The following NADSYN1 variants were observed in gnomAD, a reference collection of about 807,000 sequenced individuals.
NADSYN1 encodes the protein glutamine-dependent NAD(+) synthetase.
A neutral mutation model predicts 99.3 loss-of-function variants in NADSYN1; 80 were observed. The observed-to-expected ratio is 0.81, with a 90% CI of 0.67 to 0.97. The LOEUF is 0.97. Ranked by LOEUF, NADSYN1 falls within the 50% of genes least tolerant of loss-of-function variation. NADSYN1 has a pLI of 0.00. For missense variants in NADSYN1, 859 were observed against 948.5 expected, an observed-to-expected ratio of 0.91 and a Z score of 1.24; for synonymous variants, 385 against 372.1, an observed-to-expected ratio of 1.03 and a Z score of -0.40.
In NADSYN1 at chr11:71,501,727, G is replaced by A. The variant is rs1949858848; in HGVS notation, c.*375G>A. The A allele has an allele frequency of 4.0e-6, 1 of 248,996 alleles. No individual in the cohort carries two copies. Among genetic ancestry groups the A allele is most frequent in the African/African-American group, 2.3e-5 (1 of 42,888 alleles). The allele number at this position is 248,996 out of a possible 1,614,324, so 15.4% of individuals were successfully genotyped here. A position where few individuals can be genotyped will look rare whatever the true frequency, so the allele number is the denominator to read the frequency against. ...GGGGTGTCATGAGCAGAAAATGAAG[G>A]AGAGAAGACCTTCTCTCCCACCCAC... On this transcript the variant is annotated 3_prime_UTR_variant, in exon 21 of 21. Coordinates refer to ENST00000319023, the MANE Select transcript of NADSYN1 (RefSeq NM_018161.5).
Position 71,473,283 on chromosome 11 carries a change from C to A in NADSYN1, c.465C>A (p.Thr155=). The part of the protein sequence containing the change: ...RMIQDLTKQE[T]VPFGDAVLVT... The stretch of plus-strand genomic sequence containing the variant: ...CTCTTCTCTTCCGACTGCAGGAAAC[C>A]GTACCCTTCGGAGATGCGGTGCTGG... Residue 155 remains threonine (T), a synonymous_variant, in exon 7 of 21, where the codon ACC becomes ACA. Coordinates refer to ENST00000319023, the MANE Select transcript of NADSYN1 (RefSeq NM_018161.5). 1.9e-6 allele frequency: 3 copies of A among 1,614,142 alleles called. No individual in the cohort carries two copies. The highest frequency in any genetic ancestry group is 2.5e-6 in the Non-Finnish European group (3 of 1,179,996).
chr11:71,473,491 G>A (rs1448033925), intron 7 of NADSYN1, 78 bp from the exon 8 acceptor site: 1 of 1,531,480 alleles, frequency 6.5e-7, no homozygotes, highest in Non-Finnish European at 9.0e-7. Flanking sequence ...GCTGCCGTGG[G>A]AGAGTGCAAG....
intron 16 of NADSYN1, among the ~76,000 whole-genome samples, chr11:71,485,910 G>T (rs117588858): frequency 6.6e-6 from 1 of 152,006 alleles, no homozygotes; most frequent in Non-Finnish European, 1.5e-5. Context: ...TCTTCCCACC[G>T]CCCTCTGCCA....
intron 16 of NADSYN1, among the ~76,000 whole-genome samples, chr11:71,486,170 C>T (rs756418272): frequency 1.3e-5 from 2 of 152,228 alleles, no homozygotes; most frequent in Non-Finnish European, 2.9e-5. Flanking sequence ...TCCCCACTTC[C>T]CTTAGGTGAG....
chr11:71,472,515 G>A lies in NADSYN1; in HGVS notation c.459+15G>A, dbSNP rs769980016. 1 of 1,610,934 alleles carries A rather than the reference G, an allele frequency of 6.2e-7. No homozygotes were observed. Among genetic ancestry groups the A allele is most frequent in the Admixed American group, 1.7e-5 (1 of 60,016 alleles). The stretch of plus-strand genomic sequence containing the variant: ...TGACAAAGCAGGTGAGTCCCTGGGT[G>A]TGGAGCCCGTTTTTCAGTCGGTTGT... On this transcript the variant is annotated intron_variant, in intron 6 of 20. Coordinates refer to ENST00000319023, the MANE Select transcript of NADSYN1 (RefSeq NM_018161.5).
intron 16 of NADSYN1, among the ~76,000 whole-genome samples, chr11:71,490,274 C>G (rs1045623385): frequency 3.3e-5 from 5 of 152,334 alleles, no homozygotes; most frequent in Non-Finnish European, 5.9e-5. Context: ...CACTTTCACC[C>G]CCTTCTTTTA....
intron 16 of NADSYN1, among the ~76,000 whole-genome samples, chr11:71,486,766 A>AT (rs1183607319): frequency 9.0e-6 from 1 of 110,862 alleles, no homozygotes; most frequent in Non-Finnish European, 1.9e-5. Flanking sequence ...CCATCCATCT[A>AT]TCCCTCCCTT....
At chr11:71,453,422 A>G (rs745874169) in intron 1 of NADSYN1, 41 bp downstream of exon 1, 1 of 1,570,028 alleles carries the variant, frequency 6.4e-7, no homozygotes, top group African/African-American at 1.4e-5. Context: ...GGGGTGGCGC[A>G]CGGGCACCGT....
At chr11:71,488,236 A>G (rs535768614) in intron 16 of NADSYN1, among the ~76,000 whole-genome samples, 2 of 151,978 alleles carry the variant, frequency 1.3e-5, no homozygotes, top group Admixed American at 6.6e-5. Flanking sequence ...GTTCTCTGCA[A>G]GTGGGAGGAG....
In NADSYN1 at chr11:71,484,409, G is replaced by A. The variant is rs753775332; in HGVS notation, c.1417G>A (p.Gly473Arg). ...GAGCCCTCTGTTTGCAGCTCATGGA[G>A]GAAGCAGCAGGGAAAACCTGGCGCT... Reference protein sequence around the residue: ...GKSPLFAAHGGSSRENLALQN... With the variant: ...GKSPLFAAHGRSSRENLALQN... Residue 473 changes from glycine to arginine, a missense_variant, in exon 15 of 21, where the codon GGA becomes AGA. Coordinates refer to ENST00000319023, the MANE Select transcript of NADSYN1 (RefSeq NM_018161.5). 1 of 1,614,166 alleles carries A rather than the reference G, an allele frequency of 6.2e-7. No homozygotes were observed. Among genetic ancestry groups the A allele is most frequent in the Non-Finnish European group, 8.5e-7 (1 of 1,179,998 alleles).
chr11:71,461,491 C>T (rs1029778060), intron 3 of NADSYN1, among the ~76,000 whole-genome samples: 1 of 152,126 alleles, frequency 6.6e-6, no homozygotes. Flanking sequence ...TGCAGCGGTG[C>T]GATCTCGGCT....
At chr11:71,484,815 G>A (rs1949731632) in intron 15 of NADSYN1, 1 of 252,904 alleles carries the variant, frequency 4.0e-6, no homozygotes, top group African/African-American at 2.2e-5. Flanking sequence ...ATGAGTGTAT[G>A]AGAGTACAAG....
chr11:71,497,458 T>C (rs775047762), intron 18 of NADSYN1, 25 bp from the exon 19 acceptor site: 8 of 1,613,838 alleles, frequency 5.0e-6, no homozygotes, highest in Non-Finnish European at 5.9e-6. Context: ...GCTGTCATCA[T>C]GGAACAGATT....
intron 9 of NADSYN1, chr11:71,476,003 C>T (rs541338891): frequency 4.4e-5 from 20 of 455,710 alleles, no homozygotes; most frequent in Non-Finnish European, 7.1e-5. Context: ...TGTGAGCCAC[C>T]GCACCCGGCC....
At chr11:71,465,498 C>A (rs1431172370) in intron 5 of NADSYN1, among the ~76,000 whole-genome samples, 1 of 152,224 alleles carries the variant, frequency 6.6e-6, no homozygotes, top group African/African-American at 2.4e-5. Context: ...CCACTTCCAT[C>A]TTGAATGATA....
At chr11:71,455,681 C>G (rs933716829) in intron 2 of NADSYN1, among the ~76,000 whole-genome samples, 5 of 152,188 alleles carry the variant, frequency 3.3e-5, no homozygotes, top group African/African-American at 4.8e-5. Flanking sequence ...TTACCAGATA[C>G]CAAATCTGCC....
At chr11:71,472,733 A>G (rs2282617) in intron 6 of NADSYN1, among the ~76,000 whole-genome samples, 135,708 of 152,240 alleles carry the variant, frequency 0.89, 60,956 homozygotes, top group Non-Finnish European at 0.95. Flanking sequence ...CCCTTCCCCC[A>G]CTCACACTGG....
chr11:71,482,362 T>C (rs1949713965), intron 13 of NADSYN1, among the ~76,000 whole-genome samples: 1 of 152,202 alleles, frequency 6.6e-6, no homozygotes, highest in Non-Finnish European at 1.5e-5. Context: ...CACCTTAGCA[T>C]ATGCAGCAGA....
intron 20 of NADSYN1, among the ~76,000 whole-genome samples, chr11:71,500,539 G>A (rs568675579): frequency 5.1e-4 from 78 of 152,126 alleles, no homozygotes; most frequent in Middle Eastern, 6.8e-3. Flanking sequence ...ACACCCAGCA[G>A]AGAATTCTTT....
Sources: allele counts gnomAD v4.1 joint callset (sites outside exome capture counted in the v4.1 genomes callset), GRCh38; gene constraint gnomAD v4.1.1; transcripts MANE v1.5; gene names NCBI Gene and HGNC (gene_info 2026-07-23, HGNC 2026-07-21).